Variants in ADCY2 observed in about 807,000 individuals in gnomAD.
ADCY2 encodes the protein adenylate cyclase type 2.
ADCY2 carries 31 observed loss-of-function variants against 125.2 expected under a neutral mutation model. The observed-to-expected ratio is 0.25, with a 90% CI of 0.19 to 0.33. The LOEUF (loss-of-function observed/expected upper bound fraction) is 0.33. Among genes scored for constraint, ADCY2 ranks in the 10% least tolerant of loss-of-function variants. The probability of loss-of-function intolerance (pLI) is 1.00; values close to 1 mark genes in which losing one functional copy is unlikely to be tolerated. For missense variants in ADCY2, 904 were observed against 1,418.2 expected (o/e 0.64, Z 5.82); for synonymous variants, 512 against 548.4 (o/e 0.93, Z 0.93).
intron 2 of ADCY2, among the ~76,000 whole-genome samples, chr5:7,459,920 G>C (rs1321955456): frequency 6.6e-6 from 1 of 151,070 alleles, no homozygotes; most frequent in Non-Finnish European, 1.5e-5. Flanking sequence ...CGGAGTAGCT[G>C]GGACTACAGG....
rs998710839 is a variant in ADCY2 at position 7,773,060 on chromosome 5, C to T, written c.2343C>T (p.His781=). The change falls in exon 18 of 25, where the codon CAC becomes CAT. Residue 781 remains histidine, a synonymous_variant. Transcript: ENST00000338316. The part of the protein sequence containing the change: ...VGYNTILLHT[H]AHVLGDYSQV... ...ACAACACCATCCTACTCCACACCCA[C>T]GCCCACGTCCTGGGCGACTACAGCC... 1.1e-5 allele frequency: 17 copies of T among 1,614,040 alleles called. No homozygotes were observed. Among genetic ancestry groups the T allele is most frequent in the Middle Eastern group, 3.3e-4 (2 of 6,084 alleles).
At chr5:7,725,846 C>A (rs1281609966) in intron 13 of ADCY2, among the ~76,000 whole-genome samples, 4 of 152,150 alleles carry the variant, frequency 2.6e-5, no homozygotes, top group Non-Finnish European at 5.9e-5. Flanking sequence ...AATATACCCC[C>A]CAAAATTCTA....
At chr5:7,742,414 T>G (rs1560932989) in intron 14 of ADCY2, among the ~76,000 whole-genome samples, 1 of 152,130 alleles carries the variant, frequency 6.6e-6, no homozygotes, top group Non-Finnish European at 1.5e-5. Flanking sequence ...TATCATCACT[T>G]GTAAAATCTG....
chr5:7,459,243 T>G (rs1009923688), intron 2 of ADCY2, among the ~76,000 whole-genome samples: 2 of 152,170 alleles, frequency 1.3e-5, no homozygotes, highest in Non-Finnish European at 2.9e-5. Flanking sequence ...CCACAGCAAG[T>G]CACATGGCCC....
At chr5:7,482,767 G>GATATATATATATATATATATATAT (rs140354609) in intron 2 of ADCY2, among the ~76,000 whole-genome samples, 9 of 119,414 alleles carry the variant, frequency 7.5e-5, no homozygotes, top group Admixed American at 2.8e-4. Flanking sequence ...AAGAAAATGT[G>GATATATATATATATATATATATAT]ATATATATAT....
chr5:7,621,844 A>T (rs1737965268), intron 3 of ADCY2, among the ~76,000 whole-genome samples: 1 of 152,170 alleles, frequency 6.6e-6, no homozygotes, highest in South Asian at 2.1e-4. Context: ...TGCAGCATGG[A>T]CAGCAAGCCT....
intron 12 of ADCY2, among the ~76,000 whole-genome samples, chr5:7,718,823 A>G (rs1318282390): frequency 2.6e-5 from 4 of 152,084 alleles, no homozygotes; most frequent in Non-Finnish European, 4.4e-5. Context: ...ACTTCCTGCA[A>G]TCTAACAGCA....
At chr5:7,691,470 T>C (rs557505667) in intron 5 of ADCY2, 1 of 152,280 alleles carries the variant, frequency 6.6e-6, no homozygotes, top group East Asian at 1.9e-4. Context: ...GTTATCATCA[T>C]GGGATTATAG....
intron 20 of ADCY2, chr5:7,801,529 CT>C (rs1744594276): frequency 6.6e-6 from 1 of 152,238 alleles, no homozygotes; most frequent in South Asian, 2.1e-4. Context: ...ACAACTCTTC[CT>C]TTCTGGAACC....
chr5:7,509,841 A>G (rs1310052236), intron 2 of ADCY2, among the ~76,000 whole-genome samples: 1 of 152,244 alleles, frequency 6.6e-6, no homozygotes, highest in Non-Finnish European at 1.5e-5. Context: ...TTTAATTATG[A>G]TCATAAAAGG....
chr5:7,501,889 C>T (rs1199768489), intron 2 of ADCY2, among the ~76,000 whole-genome samples: 2 of 152,094 alleles, frequency 1.3e-5, no homozygotes, highest in East Asian at 1.9e-4. Context: ...ACACTCTCGT[C>T]ATTTCAACAC....
chr5:7,672,315 A>T (rs1739962781), intron 4 of ADCY2, among the ~76,000 whole-genome samples: 1 of 152,190 alleles, frequency 6.6e-6, no homozygotes, highest in African/African-American at 2.4e-5. Context: ...TATAAACTTT[A>T]TTGTCCTTAA....
chr5:7,819,470 G>C (rs1350520370), intron 23 of ADCY2, among the ~76,000 whole-genome samples: 1 of 152,178 alleles, frequency 6.6e-6, no homozygotes, highest in Non-Finnish European at 1.5e-5. Flanking sequence ...ATATTGTTCA[G>C]ATTCACGCGA....
intron 20 of ADCY2, chr5:7,794,983 A>G (rs1744377178): frequency 2.0e-5 from 3 of 151,930 alleles, no homozygotes; most frequent in Non-Finnish European, 4.4e-5. Flanking sequence ...CCTTACTGAA[A>G]CTGCATGGCA....
chr5:7,436,525 T>C (rs895903069), intron 2 of ADCY2, among the ~76,000 whole-genome samples: 1 of 152,186 alleles, frequency 6.6e-6, no homozygotes, highest in Non-Finnish European at 1.5e-5. Context: ...AAAACCGTGA[T>C]TGTATTAGAA....
At chr5:7,647,295 G>A (rs991587782) in intron 4 of ADCY2, among the ~76,000 whole-genome samples, 3 of 152,116 alleles carry the variant, frequency 2.0e-5, no homozygotes, top group Non-Finnish European at 4.4e-5. Context: ...GATAATATCT[G>A]CCCCAGAGAA....
At chr5:7,654,577 G>A (rs1358919722) in intron 4 of ADCY2, among the ~76,000 whole-genome samples, 2 of 152,122 alleles carry the variant, frequency 1.3e-5, no homozygotes, top group African/African-American at 4.8e-5. Flanking sequence ...GATGCTGGCA[G>A]GTGGTTGTTT....
chr5:7,715,081 G>A (rs1372498895), intron 11 of ADCY2, among the ~76,000 whole-genome samples: 1 of 152,202 alleles, frequency 6.6e-6, no homozygotes, highest in African/African-American at 2.4e-5. Context: ...GGCAAATGAA[G>A]ACTCCTGGTG....
rs143924361 is a variant in ADCY2 at position 7,792,704 on chromosome 5, A to T, written c.2628+2904A>T. 7.6e-3 allele frequency among the ~76,000 whole-genome samples: 1,157 copies of T among 152,300 alleles called. 6 individuals carry two copies. Among genetic ancestry groups the T allele is most frequent in the Middle Eastern group, 0.044 (13 of 294 alleles). ...CTTGGAAATAATAAGGAAAGGCAAG[A>T]TGGGGAAGGAGAATAAAACCTAGAG... On this transcript the variant is annotated intron_variant, in intron 20 of 24. Coordinates refer to ENST00000338316, the MANE Select transcript of ADCY2 (RefSeq NM_020546.3).
Sources: gnomAD v4.1 joint callset for allele counts (sites outside exome capture counted in the v4.1 genomes callset) on GRCh38, gnomAD v4.1.1 for gene constraint, MANE v1.5 for transcripts, NCBI Gene and HGNC (gene_info 2026-07-23, HGNC 2026-07-21) for gene names.